The following WSCD2 variants were observed in gnomAD, a reference collection of about 807,000 sequenced individuals.
The protein encoded by WSCD2 is sialate:O-sulfotransferase 2.
Under a neutral mutation model 55.7 loss-of-function variants are expected in WSCD2, and 28 were observed. That is an observed-to-expected ratio of 0.50 (90% CI 0.37 to 0.69). The LOEUF (loss-of-function observed/expected upper bound fraction) is 0.69. WSCD2 is among the 30% of genes least tolerant of loss of function. The pLI is 0.00. For missense variants in WSCD2, 616 were observed against 762.1 expected (o/e 0.81, Z 2.26); for synonymous variants, 301 against 301.9 (o/e 1.00, Z 0.03).
chr12:108,191,255 T>C (rs1765569696), intron 1 of WSCD2, among the ~76,000 whole-genome samples: 2 of 152,188 alleles, frequency 1.3e-5, no homozygotes, highest in African/African-American at 4.8e-5. Flanking sequence ...ATCCAGCATA[T>C]AGTAGGTATT....
intron 4 of WSCD2, among the ~76,000 whole-genome samples, chr12:108,217,532 C>T (rs1488941830): frequency 6.6e-6 from 1 of 152,206 alleles, no homozygotes; most frequent in Non-Finnish European, 1.5e-5. Context: ...AGATGGTCTC[C>T]AGAGAGCTCC....
At chr12:108,177,556 G>A (rs1231550797) in intron 1 of WSCD2, among the ~76,000 whole-genome samples, 1 of 152,156 alleles carries the variant, frequency 6.6e-6, no homozygotes, top group Admixed American at 6.5e-5. Flanking sequence ...GTCTCAAGGG[G>A]TTTTTATATG....
At chr12:108,220,079 G>T (rs1307775612) in intron 4 of WSCD2, among the ~76,000 whole-genome samples, 1 of 152,156 alleles carries the variant, frequency 6.6e-6, no homozygotes, top group Non-Finnish European at 1.5e-5. Flanking sequence ...TAAAGCCAGG[G>T]GTGGCTTTTT....
At position 108,174,908 on chromosome 12, in the gene WSCD2, G is replaced by C. The variant is rs75718346; in HGVS notation, c.-551-20374G>C. On this transcript the variant is annotated intron_variant, in intron 1 of 8. Transcript: ENST00000547525. Reference sequence around the variant, plus strand: ...AAAAGGCTAGGATTATAGGTGTGAAGCACCATGCTCCGCCTCCTTGAGCTT... The same window carrying C: ...AAAAGGCTAGGATTATAGGTGTGAACCACCATGCTCCGCCTCCTTGAGCTT... Among the ~76,000 whole-genome samples, 1,146 of 152,322 alleles carry C rather than the reference G, an allele frequency of 7.5e-3. 9 individuals carry two copies. The highest frequency in any genetic ancestry group is 0.026 in the African/African-American group (1,079 of 41,568).
chr12:108,236,228 TCA>T (rs1353900650), intron 7 of WSCD2, among the ~76,000 whole-genome samples: 2 of 152,186 alleles, frequency 1.3e-5, no homozygotes, highest in Admixed American at 6.5e-5. Flanking sequence ...CCTGGAGACC[TCA>T]GTTTCCTGCT....
chr12:108,148,458 C>T (rs568507895), intron 1 of WSCD2, among the ~76,000 whole-genome samples: 2 of 151,736 alleles, frequency 1.3e-5, no homozygotes, highest in East Asian at 1.9e-4. Context: ...GGGACAATGG[C>T]GGTGGGTAGT....
chr12:108,164,695 A>G (rs1197206027), intron 1 of WSCD2, among the ~76,000 whole-genome samples: 1 of 152,138 alleles, frequency 6.6e-6, no homozygotes, highest in East Asian at 1.9e-4. Context: ...AGTGGACAAC[A>G]CCAGTCTCCA....
intron 2 of WSCD2, among the ~76,000 whole-genome samples, chr12:108,198,584 G>A (rs1201327437): frequency 6.6e-6 from 1 of 152,180 alleles, no homozygotes; most frequent in Non-Finnish European, 1.5e-5. Context: ...TGCCATCAAT[G>A]CTAATAATAA....
intron 2 of WSCD2, among the ~76,000 whole-genome samples, chr12:108,201,861 C>T (rs1290066951): frequency 1.3e-5 from 2 of 152,104 alleles, no homozygotes; most frequent in East Asian, 1.9e-4. Flanking sequence ...AAAAAACTGC[C>T]ACCAGGAGGG....
chr12:108,152,766 G>A (rs4964231), intron 1 of WSCD2, among the ~76,000 whole-genome samples: 99,062 of 152,042 alleles, frequency 0.65, 34,893 homozygotes, highest in East Asian at 0.91. Flanking sequence ...CCTAAACTCA[G>A]GCAAGTGGTT....
intron 1 of WSCD2, among the ~76,000 whole-genome samples, chr12:108,130,202 A>G (rs1282054734): frequency 1.3e-5 from 2 of 152,156 alleles, no homozygotes; most frequent in Non-Finnish European, 2.9e-5. Context: ...TGCCCCCTAC[A>G]GGCATGCATT....
At chr12:108,149,194 G>T (rs1168822439) in intron 1 of WSCD2, among the ~76,000 whole-genome samples, 1 of 152,194 alleles carries the variant, frequency 6.6e-6, no homozygotes, top group Non-Finnish European at 1.5e-5. Flanking sequence ...AGTGGGATGG[G>T]CAGGGACTGA....
At chr12:108,136,890 G>A (rs1592864694) in intron 1 of WSCD2, among the ~76,000 whole-genome samples, 2 of 152,324 alleles carry the variant, frequency 1.3e-5, no homozygotes, top group African/African-American at 4.8e-5. Flanking sequence ...ACAGGCCTGA[G>A]GATAGTAAAC....
chr12:108,166,757 TTTC>T (rs780507336), intron 1 of WSCD2, among the ~76,000 whole-genome samples: 25 of 44,800 alleles, frequency 5.6e-4, no homozygotes, highest in East Asian at 1.3e-3. Flanking sequence ...TCTTTCTTTC[TTTC>T]TTTTCTTTCT....
chr12:108,192,768 G>C (rs1003611853), intron 1 of WSCD2, among the ~76,000 whole-genome samples: 9 of 152,074 alleles, frequency 5.9e-5, no homozygotes, highest in Non-Finnish European at 8.8e-5. Flanking sequence ...CCTTTTGCAA[G>C]ACCTACTGGC....
At chr12:108,218,822 T>G (rs1887143412) in intron 4 of WSCD2, among the ~76,000 whole-genome samples, 1 of 152,168 alleles carries the variant, frequency 6.6e-6, no homozygotes, top group African/African-American at 2.4e-5. Context: ...ACCAGCAGTG[T>G]CCCTGGCTGT....
intron 1 of WSCD2, among the ~76,000 whole-genome samples, chr12:108,165,025 G>T (rs1266701013): frequency 6.6e-6 from 1 of 152,190 alleles, no homozygotes; most frequent in African/African-American, 2.4e-5. Flanking sequence ...AGACTTTATT[G>T]TAAACCTGGC....
chr12:108,138,004 G>A (rs781350827), intron 1 of WSCD2, among the ~76,000 whole-genome samples: 2 of 152,154 alleles, frequency 1.3e-5, no homozygotes, highest in Admixed American at 6.5e-5. Flanking sequence ...AGTGGCATCC[G>A]CTATACACTG....
chr12:108,248,626 G>A lies in WSCD2; in HGVS notation c.*283G>A. ...ACTCTTTTCTGTCTCCTGGGTCCCT[G>A]CCCCCACCACTCTGGGTTCCATTTG... On this transcript the variant is annotated 3_prime_UTR_variant, in exon 9 of 9. Coordinates refer to ENST00000547525, the MANE Select transcript of WSCD2 (RefSeq NM_014653.4). The surrounding 1 kb of genome is among the most constrained non-coding windows in gnomAD (Gnocchi z 4.3). 1 of 1,157,590 alleles carries A rather than the reference G, an allele frequency of 8.6e-7. No homozygotes were observed. Among genetic ancestry groups the A allele is most frequent in the Non-Finnish European group, 1.1e-6 (1 of 934,730 alleles). The allele number at this position is 1,157,590 out of a possible 1,614,324, so 71.7% of individuals were successfully genotyped here.
Sources: allele counts gnomAD v4.1 joint callset (sites outside exome capture counted in the v4.1 genomes callset), GRCh38; gene constraint gnomAD v4.1.1; non-coding constraint Gnocchi (gnomAD v3.1); transcripts MANE v1.5; gene names NCBI Gene and HGNC (gene_info 2026-07-23, HGNC 2026-07-21).